CADM2: variants seen among roughly 807,000 people sequenced by gnomAD.
CADM2 encodes the protein immunoglobulin superfamily member 4D.
CADM2 carries 12 observed loss-of-function variants against 49.8 expected under a neutral mutation model. The observed-to-expected ratio is 0.24, with a 90% CI of 0.15 to 0.39. The LOEUF (loss-of-function observed/expected upper bound fraction) is 0.39, where lower values mean the gene tolerates loss of function less well. Among genes scored for constraint, CADM2 ranks in the 10% least tolerant of loss-of-function variants. The pLI, the probability that CADM2 is intolerant of heterozygous loss-of-function variation, is 1.00. For synonymous variants in CADM2, 214 were observed against 175.4 expected, an observed-to-expected ratio of 1.22 and a Z score of -1.74; for missense variants, 378 against 492.3, an observed-to-expected ratio of 0.77 and a Z score of 2.20.
intron 1 of CADM2, among the ~76,000 whole-genome samples, chr3:85,468,153 CAAAAAAAAA>C (rs57721920): frequency 3.6e-5 from 2 of 55,336 alleles, no homozygotes; most frequent in African/African-American, 9.0e-5. Context: ...GACTCCGTCT[CAAAAAAAAA>C]AAAAAAAAAA....
At chr3:85,629,769 T>C (rs2064249439) in intron 1 of CADM2, among the ~76,000 whole-genome samples, 1 of 152,042 alleles carries the variant, frequency 6.6e-6, no homozygotes, top group Non-Finnish European at 1.5e-5. Context: ...TGCCACTTTA[T>C]GTATACACAA....
chr3:85,539,133 T>G (rs2061485607), intron 1 of CADM2, among the ~76,000 whole-genome samples: 1 of 115,480 alleles, frequency 8.7e-6, no homozygotes, highest in South Asian at 2.7e-4. Flanking sequence ...ATTATTTAGA[T>G]TTACATTAAA....
chr3:85,424,020 G>T (rs1472507941), intron 1 of CADM2, among the ~76,000 whole-genome samples: 1 of 152,056 alleles, frequency 6.6e-6, no homozygotes, highest in Admixed American at 6.6e-5. Flanking sequence ...AATCTGCATT[G>T]CCATAAATTG....
At chr3:85,620,120 T>C (rs2107485239) in intron 1 of CADM2, among the ~76,000 whole-genome samples, 1 of 152,216 alleles carries the variant, frequency 6.6e-6, no homozygotes, top group Non-Finnish European at 1.5e-5. Context: ...CTCTCTTTGG[T>C]CAAGTCCTTG....
chr3:85,869,593 C>A (rs2075842704), intron 3 of CADM2, among the ~76,000 whole-genome samples: 1 of 152,064 alleles, frequency 6.6e-6, no homozygotes, highest in Non-Finnish European at 1.5e-5. Context: ...TGTACAACCA[C>A]CATGCTCGTG....
At chr3:85,178,075 A>G (rs896063088) in intron 1 of CADM2, among the ~76,000 whole-genome samples, 1 of 151,924 alleles carries the variant, frequency 6.6e-6, no homozygotes, top group Non-Finnish European at 1.5e-5. Flanking sequence ...CTTCAATCCT[A>G]TATGTAGCTT....
chr3:84,981,091 A>G (rs1213093779), intron 1 of CADM2, among the ~76,000 whole-genome samples: 1 of 150,402 alleles, frequency 6.6e-6, no homozygotes, highest in Non-Finnish European at 1.5e-5. Context: ...CTCATCATCT[A>G]GCATTAGGTA....
chr3:85,271,905 T>C (rs963478506), intron 1 of CADM2, among the ~76,000 whole-genome samples: 7 of 151,152 alleles, frequency 4.6e-5, no homozygotes, highest in African/African-American at 1.7e-4. Context: ...TCCATTTATA[T>C]TCAATAAATA....
chr3:85,353,453 C>T (rs1389256531), intron 1 of CADM2, among the ~76,000 whole-genome samples: 1 of 151,658 alleles, frequency 6.6e-6, no homozygotes, highest in Non-Finnish European at 1.5e-5. Flanking sequence ...GGAAATAATT[C>T]TGTCTTCTAT....
chr3:85,502,115 AG>A (rs2040142890), intron 1 of CADM2, among the ~76,000 whole-genome samples: 1 of 152,170 alleles, frequency 6.6e-6, no homozygotes, highest in Admixed American at 6.6e-5. Flanking sequence ...AATGGCTTAA[AG>A]TAAAGGATAC....
chr3:85,926,262 T>G (rs879277002), intron 6 of CADM2, among the ~76,000 whole-genome samples: 58 of 152,178 alleles, frequency 3.8e-4, no homozygotes, highest in Admixed American at 5.9e-4. Flanking sequence ...TTTGTTTTTT[T>G]GGGGGCTGGT....
At chr3:85,663,098 A>C (rs964366644) in intron 1 of CADM2, among the ~76,000 whole-genome samples, 2 of 152,038 alleles carry the variant, frequency 1.3e-5, no homozygotes, top group Non-Finnish European at 2.9e-5. Context: ...CTATGTATGA[A>C]TTAGAATCCA....
chr3:85,332,939 G>A (rs1418914679), intron 1 of CADM2, among the ~76,000 whole-genome samples: 2 of 151,660 alleles, frequency 1.3e-5, no homozygotes, highest in Non-Finnish European at 3.0e-5. Flanking sequence ...TTATTCTCAT[G>A]GTCCCACCAT....
intron 1 of CADM2, among the ~76,000 whole-genome samples, chr3:85,062,055 C>T (rs1475886795): frequency 6.7e-6 from 1 of 150,196 alleles, no homozygotes; most frequent in Non-Finnish European, 1.5e-5. Flanking sequence ...CTCTGTCTCT[C>T]TCTCTGTCTC....
At chr3:85,943,575 C>A (rs1440644834) in intron 7 of CADM2, among the ~76,000 whole-genome samples, 1 of 151,806 alleles carries the variant, frequency 6.6e-6, no homozygotes, top group Non-Finnish European at 1.5e-5. Context: ...TTTCCCAGCA[C>A]CATTTATTAA....
At chr3:85,854,718 G>A (rs1017407266) in intron 3 of CADM2, among the ~76,000 whole-genome samples, 2 of 152,056 alleles carry the variant, frequency 1.3e-5, no homozygotes, top group African/African-American at 4.8e-5. Flanking sequence ...TATATAGCAT[G>A]TGTATACCTA....
At chr3:85,221,373 C>A in intron 1 of CADM2, among the ~76,000 whole-genome samples, 1 of 152,000 alleles carries the variant, frequency 6.6e-6, no homozygotes, top group East Asian at 1.9e-4. Flanking sequence ...CACTTGAAAC[C>A]AAATTCAGGA....
At chr3:85,151,320 TA>T (rs771777561) in intron 1 of CADM2, among the ~76,000 whole-genome samples, 7 of 152,176 alleles carry the variant, frequency 4.6e-5, no homozygotes, top group Non-Finnish European at 8.8e-5. Context: ...AATGATTGTG[TA>T]CTTTTTTTTT....
chr3:85,080,933 C>A (rs1426631262), intron 1 of CADM2, among the ~76,000 whole-genome samples: 1 of 151,884 alleles, frequency 6.6e-6, no homozygotes, highest in Non-Finnish European at 1.5e-5. Flanking sequence ...CTGTACATTA[C>A]ATATATAGGT....
Sources: gnomAD v4.1 joint callset for allele counts (sites outside exome capture counted in the v4.1 genomes callset) on GRCh38, gnomAD v4.1.1 for gene constraint, MANE v1.5 for transcripts, NCBI Gene and HGNC (gene_info 2026-07-23, HGNC 2026-07-21) for gene names.